GABRB1: variants seen among roughly 807,000 people sequenced by gnomAD.
GABRB1 encodes gamma-aminobutyric acid receptor subunit beta-1.
GABRB1 carries 17 observed loss-of-function variants against 51.6 expected under a neutral mutation model. The observed-to-expected ratio is 0.33, with a 90% CI of 0.23 to 0.49. GABRB1 has a LOEUF of 0.49. Among genes scored for constraint, GABRB1 ranks in the 20% least tolerant of loss-of-function variants. GABRB1 has a pLI of 0.99. For synonymous variants in GABRB1, 247 were observed against 218.9 expected, an observed-to-expected ratio of 1.13 and a Z score of -1.14; for missense variants, 410 against 600.6, an observed-to-expected ratio of 0.68 and a Z score of 3.32.
rs1160848989 is a variant in GABRB1, at chr4:47,420,375, T to C, written c.1081-5299T>C. ...CTGGGACTTGGAGTGGGAATTCTCA[T>C]ACTTGAGGGCACTGTGAGGAGTGGG... On this transcript the variant is annotated intron_variant, in intron 8 of 8. Coordinates refer to ENST00000295454, the MANE Select transcript of GABRB1 (RefSeq NM_000812.4). 2.0e-5 allele frequency among the ~76,000 whole-genome samples: 3 copies of C among 152,300 alleles called. No homozygotes were observed. The East Asian group carries it at 5.8e-4, about 29-fold the overall frequency.
chr4:47,136,664 A>G (rs1716671255), intron 3 of GABRB1, among the ~76,000 whole-genome samples: 3 of 152,162 alleles, frequency 2.0e-5, no homozygotes, highest in South Asian at 4.2e-4. Flanking sequence ...CTCTAATGAT[A>G]TGGTCTTTTC....
chr4:47,216,854 T>C (rs951537461), intron 4 of GABRB1, among the ~76,000 whole-genome samples: 9 of 151,960 alleles, frequency 5.9e-5, no homozygotes, highest in African/African-American at 2.2e-4. Context: ...AGTCCAGCCC[T>C]AAGTTTGCAC....
chr4:47,042,569 A>G (rs1725903895), intron 3 of GABRB1, among the ~76,000 whole-genome samples: 2 of 150,890 alleles, frequency 1.3e-5, no homozygotes, highest in Non-Finnish European at 3.0e-5. Context: ...TGGACTGTCA[A>G]TATTTCTAGA....
At chr4:47,369,510 A>G (rs1727112394) in intron 5 of GABRB1, among the ~76,000 whole-genome samples, 1 of 152,172 alleles carries the variant, frequency 6.6e-6, no homozygotes. Context: ...TATATTCCTT[A>G]GAATTAAACC....
At chr4:47,223,650 G>A (rs544233744) in intron 4 of GABRB1, among the ~76,000 whole-genome samples, 65 of 152,198 alleles carry the variant, frequency 4.3e-4, no homozygotes, top group African/African-American at 1.4e-3. Context: ...GAAGAGGCAT[G>A]TAGGCTTTGG....
intron 4 of GABRB1, among the ~76,000 whole-genome samples, chr4:47,273,129 T>C (rs762385172): frequency 6.6e-6 from 1 of 152,144 alleles, no homozygotes; most frequent in Non-Finnish European, 1.5e-5. Context: ...TTAAAAAGCC[T>C]TAAGAACCTC....
At chr4:47,327,236 G>A (rs897769062) in intron 5 of GABRB1, among the ~76,000 whole-genome samples, 2 of 151,836 alleles carry the variant, frequency 1.3e-5, no homozygotes, top group East Asian at 1.9e-4. Context: ...TGGGCCTGTA[G>A]TCCCAACTAT....
chr4:47,246,299 T>TATATATATATATACAC (rs1329276891), intron 4 of GABRB1, among the ~76,000 whole-genome samples: 1 of 84,170 alleles, frequency 1.2e-5, no homozygotes, highest in African/African-American at 4.7e-5. Context: ...TATATATATA[T>TATATATATATATACAC]ACACACACAC....
intron 3 of GABRB1, among the ~76,000 whole-genome samples, chr4:47,159,559 A>G (rs1577961600): frequency 6.6e-6 from 1 of 151,980 alleles, no homozygotes; most frequent in African/African-American, 2.4e-5. Flanking sequence ...TCATATCTTT[A>G]GAAAGGATAT....
chr4:47,001,145 T>C, intron 1 of GABRB1, among the ~76,000 whole-genome samples: 1 of 152,128 alleles, frequency 6.6e-6, no homozygotes, highest in South Asian at 2.1e-4. Flanking sequence ...TTTTTTATGT[T>C]TATTTTTTAT....
chr4:47,208,255 A>G (rs1053754615), intron 4 of GABRB1, among the ~76,000 whole-genome samples: 1 of 152,108 alleles, frequency 6.6e-6, no homozygotes, highest in African/African-American at 2.4e-5. Context: ...AGTAATGTAT[A>G]ATTCCAATTA....
At chr4:47,245,879 C>A (rs1445959528) in intron 4 of GABRB1, among the ~76,000 whole-genome samples, 2 of 148,190 alleles carry the variant, frequency 1.3e-5, no homozygotes, top group African/African-American at 2.5e-5. Flanking sequence ...AGAGGTCTAC[C>A]TGGGAAACTA....
At chr4:47,067,943 T>C (rs1298306433) in intron 3 of GABRB1, among the ~76,000 whole-genome samples, 1 of 152,150 alleles carries the variant, frequency 6.6e-6, no homozygotes, top group Non-Finnish European at 1.5e-5. Flanking sequence ...TGTATTCTCA[T>C]TGTTCAGCTC....
intron 3 of GABRB1, among the ~76,000 whole-genome samples, chr4:47,048,369 T>C (rs1384266461): frequency 1.3e-5 from 2 of 152,094 alleles, no homozygotes; most frequent in Non-Finnish European, 2.9e-5. Flanking sequence ...GAGTAATTAA[T>C]GAAGAGGAGA....
chr4:47,392,453 C>T (rs1169309442), intron 5 of GABRB1, among the ~76,000 whole-genome samples: 3 of 151,670 alleles, frequency 2.0e-5, no homozygotes, highest in Non-Finnish European at 4.4e-5. Context: ...AGCAATTCTC[C>T]TGCCTCAGCC....
At chr4:47,245,403 G>A (rs1721701839) in intron 4 of GABRB1, among the ~76,000 whole-genome samples, 1 of 152,102 alleles carries the variant, frequency 6.6e-6, no homozygotes, top group East Asian at 1.9e-4. Context: ...GGATACCAAT[G>A]TTCAATTATT....
Position 47,425,680 on chromosome 4 carries a change from G to A in GABRB1, c.1087G>A (p.Ala363Thr), listed in dbSNP as rs375590397. The change falls in exon 9 of 9, where the codon GCC (alanine) becomes ACC (threonine). Residue 363 changes from alanine (A) to threonine (T), a missense_variant. Physicochemically the swap from Ala to Thr is moderately conservative, Grantham distance 58. This residue lies in a region of GABRB1 where 181 missense variants were observed against 195.6 expected (regional missense o/e 0.93). Coordinates refer to ENST00000295454, the MANE Select transcript of GABRB1 (RefSeq NM_000812.4). ...CTGTTCTTTTTGCCATCAGGTCGAC[G>A]CCCACGGTAACATTCTCCTCAGCAC... ...KLEMNKVQVD[A>T]HGNILLSTLE... 3 of 1,594,170 alleles carry A rather than the reference G, an allele frequency of 1.9e-6. No homozygotes were observed. Among genetic ancestry groups the A allele is most frequent in the African/African-American group, 1.3e-5 (1 of 74,232 alleles).
chr4:47,152,161 A>T (rs975865659), intron 3 of GABRB1, among the ~76,000 whole-genome samples: 40 of 151,976 alleles, frequency 2.6e-4, no homozygotes, highest in African/African-American at 8.7e-4. Context: ...TAATTATTTT[A>T]GTTATGTGAA....
At position 47,123,583 on chromosome 4, in the gene GABRB1, A is replaced by G. The variant is rs1367904847; in HGVS notation, c.241-37666A>G. Among the ~76,000 whole-genome samples, 51 of 37,334 alleles carry G rather than the reference A, an allele frequency of 1.4e-3. 3 individuals carry two copies. Among genetic ancestry groups the G allele is most frequent in the African/African-American group, 5.6e-3 (51 of 9,078 alleles). The allele number at this position is 37,334 out of a possible 152,430, so 24.5% of individuals were successfully genotyped here. A position where few individuals can be genotyped will look rare whatever the true frequency, so the allele number is the denominator to read the frequency against. On this transcript the variant is annotated intron_variant, in intron 3 of 8. Transcript: ENST00000295454. Reference sequence around the variant, plus strand: ...TATAATATATTACATTATTTCATATATTATAATATATTACATTATTTCATA... The same window carrying G: ...TATAATATATTACATTATTTCATATGTTATAATATATTACATTATTTCATA...
Sources: allele counts gnomAD v4.1 joint callset (sites outside exome capture counted in the v4.1 genomes callset), GRCh38; gene constraint gnomAD v4.1.1; regional missense constraint gnomAD v4.1.1; transcripts MANE v1.5; gene names NCBI Gene and HGNC (gene_info 2026-07-23, HGNC 2026-07-21).